Variants in ARHGAP10 observed in about 807,000 individuals in gnomAD.
ARHGAP10 encodes rho GTPase-activating protein 10.
ARHGAP10 carries 87 observed loss-of-function variants against 108.6 expected under a neutral mutation model. The observed-to-expected ratio is 0.80, with a 90% CI of 0.67 to 0.96. The LOEUF (loss-of-function observed/expected upper bound fraction) is 0.96. Among genes scored for constraint, ARHGAP10 ranks in the 40% least tolerant of loss-of-function variants. The pLI is 0.00. For synonymous variants in ARHGAP10, 347 were observed against 341.1 expected, an observed-to-expected ratio of 1.02 and a Z score of -0.19; for missense variants, 939 against 954.5, an observed-to-expected ratio of 0.98 and a Z score of 0.21.
chr4:147,868,413 T>C (rs1369145235), intron 7 of ARHGAP10, among the ~76,000 whole-genome samples: 3 of 152,024 alleles, frequency 2.0e-5, no homozygotes, highest in Non-Finnish European at 4.4e-5. Flanking sequence ...ATTTTTTTTC[T>C]TTTTGGTAGA....
chr4:147,887,628 G>A (rs1241553239), intron 10 of ARHGAP10, among the ~76,000 whole-genome samples: 2 of 152,044 alleles, frequency 1.3e-5, no homozygotes, highest in East Asian at 1.9e-4. Flanking sequence ...TTGGGAAGCC[G>A]AGGTGGGTGG....
At chr4:147,858,750 T>A (rs1734198599) in intron 5 of ARHGAP10, among the ~76,000 whole-genome samples, 1 of 152,204 alleles carries the variant, frequency 6.6e-6, no homozygotes, top group African/African-American at 2.4e-5. Flanking sequence ...CCCTTTATGC[T>A]AGCAGTTCTC....
chr4:147,921,256 G>A (rs1427325870), intron 13 of ARHGAP10, among the ~76,000 whole-genome samples: 1 of 152,180 alleles, frequency 6.6e-6, no homozygotes, highest in African/African-American at 2.4e-5. Context: ...GTTAGTTTGG[G>A]TAATGAAGGA....
chr4:147,994,114 T>C (rs893677163), intron 18 of ARHGAP10, among the ~76,000 whole-genome samples: 3 of 152,240 alleles, frequency 2.0e-5, no homozygotes, highest in Admixed American at 2.0e-4. Flanking sequence ...AGAAAGTTCC[T>C]TGTGGTCTTT....
In ARHGAP10 at chr4:147,857,660, ATTT is replaced by A; in HGVS notation, c.486+10_486+12del. On this transcript the variant is annotated splice_region_variant and intron_variant, in intron 5 of 22. Coordinates refer to ENST00000336498, the MANE Select transcript of ARHGAP10 (RefSeq NM_024605.4). ...AAGACTCACATTTACAAGAGGTATA[ATTT>A]TTTATTTTTCTGTTACGTTTTCAAA... The A allele has an allele frequency of 2.8e-6, 4 of 1,447,406 alleles. No individual in the cohort carries two copies. The highest frequency in any genetic ancestry group is 3.6e-6 in the Non-Finnish European group (4 of 1,097,988). 89.7% of individuals were successfully genotyped at this position (1,447,406 alleles called of 1,614,324 possible).
intron 13 of ARHGAP10, among the ~76,000 whole-genome samples, chr4:147,922,302 A>G (rs1316435564): frequency 2.0e-5 from 3 of 152,032 alleles, no homozygotes; most frequent in Non-Finnish European, 4.4e-5. Flanking sequence ...CCTTTGAGTG[A>G]TAAGGACCTA....
chr4:147,846,665 T>C (rs1055353373), intron 3 of ARHGAP10, among the ~76,000 whole-genome samples: 4 of 152,216 alleles, frequency 2.6e-5, no homozygotes, highest in Admixed American at 2.6e-4. Flanking sequence ...TTTGCTAATA[T>C]ACCTTAAATC....
chr4:147,744,355 A>G (rs1273532889), intron 1 of ARHGAP10, among the ~76,000 whole-genome samples: 1 of 145,114 alleles, frequency 6.9e-6, no homozygotes, highest in South Asian at 2.4e-4. Context: ...GGGAATCTGC[A>G]TTGAGGATAA....
intron 20 of ARHGAP10, among the ~76,000 whole-genome samples, chr4:148,056,784 T>C (rs756520662): frequency 2.3e-4 from 35 of 152,354 alleles, no homozygotes; most frequent in Middle Eastern, 3.4e-3. Context: ...ATAGTCATAC[T>C]TTTTTCCCTT....
At position 147,813,507 on chromosome 4, in the gene ARHGAP10, G is replaced by A. The variant is rs140559133; in HGVS notation, c.155-9220G>A. ...TCAGAAGGAAAAAGCCGTGGGAGCC[G>A]AAATTGAAAGAATGCCATGAACTAA... On this transcript the variant is annotated intron_variant, in intron 1 of 22. Transcript: ENST00000336498. Among the ~76,000 whole-genome samples the A allele has an allele frequency of 4.8e-4, 73 of 152,302 alleles. No homozygotes were observed. In the South Asian group the frequency reaches 7.7e-3, roughly 16 times the overall value.
At chr4:148,058,379 T>C (rs944131653) in intron 20 of ARHGAP10, among the ~76,000 whole-genome samples, 1 of 152,238 alleles carries the variant, frequency 6.6e-6, no homozygotes, top group African/African-American at 2.4e-5. Context: ...AAATAAGCAT[T>C]CATTTCTTTT....
intron 19 of ARHGAP10, among the ~76,000 whole-genome samples, chr4:148,041,792 A>G (rs1402592883): frequency 6.6e-6 from 1 of 152,188 alleles, no homozygotes; most frequent in Non-Finnish European, 1.5e-5. Context: ...ATGAGAATTG[A>G]TGTTTGTTCA....
intron 1 of ARHGAP10, among the ~76,000 whole-genome samples, chr4:147,772,710 T>C (rs966610956): frequency 6.6e-6 from 1 of 152,270 alleles, no homozygotes; most frequent in Non-Finnish European, 1.5e-5. Flanking sequence ...GGGGAAAATA[T>C]GTATTCTACA....
At chr4:148,032,773 G>A (rs536438155) in intron 19 of ARHGAP10, among the ~76,000 whole-genome samples, 37 of 152,160 alleles carry the variant, frequency 2.4e-4, no homozygotes, top group Non-Finnish European at 2.6e-4. Flanking sequence ...GCCTTCAGTC[G>A]GTGACCAAAA....
chr4:147,804,496 C>A (rs1228168291), intron 1 of ARHGAP10, among the ~76,000 whole-genome samples: 2 of 152,138 alleles, frequency 1.3e-5, no homozygotes, highest in South Asian at 2.1e-4. Context: ...AGAATGATTT[C>A]TATTCCTCTC....
chr4:147,936,483 C>T (rs572620360), intron 13 of ARHGAP10, among the ~76,000 whole-genome samples: 5 of 151,818 alleles, frequency 3.3e-5, no homozygotes, highest in East Asian at 1.9e-4. Flanking sequence ...CGCCCGCCAC[C>T]GTGCCCGGCT....
At chr4:147,780,271 C>T (rs530413936) in intron 1 of ARHGAP10, among the ~76,000 whole-genome samples, 26 of 152,170 alleles carry the variant, frequency 1.7e-4, no homozygotes, top group African/African-American at 4.6e-4. Flanking sequence ...GGATCAGGGC[C>T]GAGGCTCAGC....
chr4:148,062,274 C>T (rs957993483), intron 20 of ARHGAP10, among the ~76,000 whole-genome samples: 1 of 152,166 alleles, frequency 6.6e-6, no homozygotes, highest in Non-Finnish European at 1.5e-5. Context: ...GGGAAACAAT[C>T]TGAGAGCATG....
chr4:147,870,562 CTT>C (rs34085253), intron 7 of ARHGAP10, among the ~76,000 whole-genome samples: 731 of 139,810 alleles, frequency 5.2e-3, no homozygotes, highest in South Asian at 9.5e-3. Context: ...AGTGGCTAGA[CTT>C]TTTTTTTTTT....
Sources: gnomAD v4.1 joint callset for allele counts (sites outside exome capture counted in the v4.1 genomes callset) on GRCh38, gnomAD v4.1.1 for gene constraint, MANE v1.5 for transcripts, NCBI Gene and HGNC (gene_info 2026-07-23, HGNC 2026-07-21) for gene names.